DNAH7: variants seen among roughly 807,000 people sequenced by gnomAD.
DNAH7 encodes axonemal beta dynein heavy chain 7.
DNAH7 carries 397 observed loss-of-function variants against 444.6 expected under a neutral mutation model. The ratio of observed to expected loss-of-function variants is 0.89; its 90% confidence interval spans 0.82 to 0.97. The LOEUF (loss-of-function observed/expected upper bound fraction) is 0.97. DNAH7 is among the 50% of genes least tolerant of loss of function. DNAH7 has a pLI of 0.00. For missense variants in DNAH7, 4,902 were observed against 4,800.8 expected (o/e 1.02, Z -0.62); for synonymous variants, 1,636 against 1,624.4 (o/e 1.01, Z -0.17).
At chr2:196,047,209 T>C (rs1697187111) in intron 5 of DNAH7, 143 bp downstream of exon 5, 1 of 579,560 alleles carries the variant, frequency 1.7e-6, no homozygotes, top group Non-Finnish European at 2.7e-6. Context: ...TCAATCTCTT[T>C]CATTCTTTAT....
At position 195,782,340 on chromosome 2, in the gene DNAH7, T is replaced by C. The variant is rs11896981; in HGVS notation, c.10879-4355A>G. On this transcript the variant is annotated intron_variant, in intron 58 of 64. Coordinates refer to ENST00000312428, the MANE Select transcript of DNAH7 (RefSeq NM_018897.3). ...TGATGAAGTATACATGACTCAAGTA[T>C]AGCAGTTTTGGCAAGTTTGCAATAC... 2.3e-3 allele frequency among the ~76,000 whole-genome samples: 353 copies of C among 152,274 alleles called. 1 individual carries two copies. The highest frequency in any genetic ancestry group is 7.9e-3 in the African/African-American group (328 of 41,566).
rs113190064 is a variant in DNAH7, at chr2:195,783,084, T to A, written c.10878+3926A>T. Among the ~76,000 whole-genome samples, 355 of 152,338 alleles carry A rather than the reference T, an allele frequency of 2.3e-3. 1 individual carries two copies. Among genetic ancestry groups the A allele is most frequent in the African/African-American group, 7.9e-3 (330 of 41,572 alleles). On this transcript the variant is annotated intron_variant, in intron 58 of 64. Transcript: ENST00000312428. ...TTAATGCCTGGTTCTATTCCCTGTC[T>A]GGATTAATGAATGAAATCACCACCA...
intron 40 of DNAH7, among the ~76,000 whole-genome samples, chr2:195,869,010 G>T (rs1375531506): frequency 6.6e-6 from 1 of 151,792 alleles, no homozygotes; most frequent in East Asian, 1.9e-4. Flanking sequence ...ATTGTTGCAG[G>T]ACTTTTCCTT....
At position 195,916,924 on chromosome 2, in the gene DNAH7, C is replaced by T. The variant is rs1687717855; in HGVS notation, c.3935+5164G>A. ...ACCATCCTAGCTAACATGGTGAAAC[C>T]CCGTCTCTACTAAACAAAATACAAA... On this transcript the variant is annotated intron_variant, in intron 24 of 64. Transcript: ENST00000312428. 2.0e-5 allele frequency among the ~76,000 whole-genome samples: 3 copies of T among 151,084 alleles called. No individual in the cohort carries two copies. The South Asian group carries it at 6.3e-4, about 32-fold the overall frequency.
At chr2:195,954,151 A>G (rs1202402720) in intron 19 of DNAH7, among the ~76,000 whole-genome samples, 4 of 152,106 alleles carry the variant, frequency 2.6e-5, no homozygotes, top group Non-Finnish European at 5.9e-5. Context: ...AACATTAGGT[A>G]TATCTCCTAA....
chr2:196,024,422 C>A lies in DNAH7; in HGVS notation c.743+7G>T. The A allele has an allele frequency of 2.6e-6, 4 of 1,560,512 alleles. No individual in the cohort carries two copies. The South Asian group carries it at 4.9e-5, about 19-fold the overall frequency. On this transcript the variant is annotated splice_region_variant and intron_variant, in intron 8 of 64. Transcript: ENST00000312428. ...ATCAACATTCTTAGAGAAATCTGAT[C>A]ACTTACTCAGCACGATGGGCTGGAA...
chr2:195,989,298 CCCA>C (rs1195058234), intron 12 of DNAH7, among the ~76,000 whole-genome samples: 1 of 152,172 alleles, frequency 6.6e-6, no homozygotes, highest in African/African-American at 2.4e-5. Flanking sequence ...CATTTACATT[CCCA>C]CCAACAGTGT....
intron 10 of DNAH7, among the ~76,000 whole-genome samples, chr2:196,012,355 T>A (rs1014607858): frequency 2.6e-5 from 4 of 152,258 alleles, no homozygotes; most frequent in Non-Finnish European, 4.4e-5. Flanking sequence ...GAGATTTTTT[T>A]AATTCATTTA....
At chr2:195,963,571 T>C (rs948802387) in intron 17 of DNAH7, among the ~76,000 whole-genome samples, 9 of 152,158 alleles carry the variant, frequency 5.9e-5, no homozygotes, top group African/African-American at 2.2e-4. Flanking sequence ...TGTCTCTTCA[T>C]GTTGTTTATT....
At chr2:195,917,802 G>A (rs1380534006) in intron 24 of DNAH7, among the ~76,000 whole-genome samples, 1 of 152,052 alleles carries the variant, frequency 6.6e-6, no homozygotes, top group East Asian at 1.9e-4. Context: ...CTAAAGGTGT[G>A]CACCACCATA....
At chr2:196,006,717 T>A (rs1348590653) in intron 10 of DNAH7, among the ~76,000 whole-genome samples, 1 of 151,984 alleles carries the variant, frequency 6.6e-6, no homozygotes, top group African/African-American at 2.4e-5. Context: ...GAATACAAGA[T>A]CAATATATAA....
At chr2:195,823,437 G>A (rs111522962) in intron 49 of DNAH7, among the ~76,000 whole-genome samples, 325 of 152,248 alleles carry the variant, frequency 2.1e-3, no homozygotes, top group African/African-American at 7.2e-3. Flanking sequence ...ATTCATCTTG[G>A]AGGGAATAAA....
At chr2:195,877,048 A>G (rs56705854) in intron 36 of DNAH7, among the ~76,000 whole-genome samples, 1,684 of 152,318 alleles carry the variant, frequency 0.011, 36 homozygotes, top group East Asian at 0.067. Context: ...TCTTTTTCAT[A>G]TATCTTATTA....
At chr2:195,950,616 A>C (rs904150881) in intron 19 of DNAH7, among the ~76,000 whole-genome samples, 6 of 152,006 alleles carry the variant, frequency 3.9e-5, no homozygotes, top group Non-Finnish European at 8.8e-5. Flanking sequence ...TGGGAGGCTG[A>C]AGCGGGCAGA....
chr2:195,933,323 T>C (rs1324120118), intron 21 of DNAH7, among the ~76,000 whole-genome samples: 4 of 152,170 alleles, frequency 2.6e-5, no homozygotes, highest in African/African-American at 7.2e-5. Flanking sequence ...AGTTCAACCA[T>C]TGTGAAAGTC....
intron 28 of DNAH7, among the ~76,000 whole-genome samples, chr2:195,899,639 G>GT (rs1386604228): frequency 1.3e-5 from 2 of 152,120 alleles, no homozygotes; most frequent in African/African-American, 4.8e-5. Context: ...TTTAAAATCT[G>GT]TATCTTCTAC....
chr2:195,964,554 CTT>C (rs1691334835), intron 17 of DNAH7, among the ~76,000 whole-genome samples: 1 of 104,810 alleles, frequency 9.5e-6, no homozygotes, highest in Non-Finnish European at 1.9e-5. Context: ...TTGGAGGAGT[CTT>C]TACATTTTTC....
In DNAH7 at chr2:195,998,936, G is replaced by A. The variant is rs1201949769; in HGVS notation, c.1353+1768C>T. On this transcript the variant is annotated intron_variant, in intron 12 of 64. Coordinates refer to ENST00000312428, the MANE Select transcript of DNAH7 (RefSeq NM_018897.3). The stretch of plus-strand genomic sequence containing the variant: ...GGGACCAAAATGAGAGAAAGCATGA[G>A]TTGAAAGGTCATTATGTGCAGAAGT... The A allele has an allele frequency of 9.3e-6, 5 of 539,686 alleles. No individual in the cohort carries two copies. The Admixed American group carries it at 1.6e-4, about 17-fold the overall frequency. The allele number at this position is 539,686 out of a possible 1,614,324, so 33.4% of individuals were successfully genotyped here. A position where few individuals can be genotyped will look rare whatever the true frequency, so the allele number is the denominator to read the frequency against.
Position 195,787,083 on chromosome 2 carries a change from A to C in DNAH7, c.10805T>G (p.Ile3602Ser), listed in dbSNP as rs1695656979. 5 of 1,612,990 alleles carry C rather than the reference A, an allele frequency of 3.1e-6. No individual in the cohort carries two copies. Among genetic ancestry groups the C allele is most frequent in the Non-Finnish European group, 4.2e-6 (5 of 1,179,728 alleles). The change falls in exon 58 of 65, where the codon ATT (isoleucine) becomes AGT (serine). Residue 3602 changes from isoleucine to serine, a missense_variant. Coordinates refer to ENST00000312428, the MANE Select transcript of DNAH7 (RefSeq NM_018897.3). ...ATCTGTCTCATTGAACTCATAAGGA[A>C]TATTCCACCCTAGGGGTCCAAATTT... is the stretch of plus-strand genomic sequence containing the variant. Reference protein sequence around the residue: ...RRKFGPLGWNIPYEFNETDLR... With the variant: ...RRKFGPLGWNSPYEFNETDLR...
Sources: allele counts gnomAD v4.1 joint callset (sites outside exome capture counted in the v4.1 genomes callset), GRCh38; gene constraint gnomAD v4.1.1; transcripts MANE v1.5; gene names NCBI Gene and HGNC (gene_info 2026-07-23, HGNC 2026-07-21).